EPC1: variants seen among roughly 807,000 people sequenced by gnomAD.
EPC1 encodes the protein enhancer of polycomb 1.
In EPC1, 12 loss-of-function variants were observed where a neutral mutation model predicts 98.4. The observed-to-expected ratio is 0.12, with a 90% CI of 0.08 to 0.20. The LOEUF is 0.20. Ranked by LOEUF, EPC1 falls within the 10% of genes least tolerant of loss-of-function variation. EPC1 has a pLI of 1.00. For synonymous variants in EPC1, 357 were observed against 363.9 expected (o/e 0.98, Z 0.21); for missense variants, 729 against 990.5 (o/e 0.74, Z 3.54).
chr10:32,286,716 T>C lies in EPC1; in HGVS notation c.1369A>G (p.Arg457Gly). ...TACCTTCCACCGCGCCCAACCCGTC[T>C]TCGTGCAAATCCAATACACCTTTGG... ...VPQRCIGFARRRVGRGGRVLL... is the reference protein window; with the variant it reads ...VPQRCIGFARGRVGRGGRVLL... The change falls in exon 9 of 14, where the codon AGA becomes GGA. Residue 457 changes from arginine to glycine, a missense_variant. Coordinates refer to ENST00000319778, the MANE Select transcript of EPC1 (RefSeq NM_001272004.3). 6.2e-7 allele frequency: 1 copy of C among 1,614,192 alleles called. No homozygotes were observed. The highest frequency in any genetic ancestry group is 8.5e-7 in the Non-Finnish European group (1 of 1,180,040).
At chr10:32,346,139 TCGA>T (rs1252659340) in intron 1 of EPC1, among the ~76,000 whole-genome samples, 1 of 152,170 alleles carries the variant, frequency 6.6e-6, no homozygotes, top group Non-Finnish European at 1.5e-5. Flanking sequence ...CGCTGCACCC[TCGA>T]CATTTCCTTG....
chr10:32,344,197 C>T (rs894863682), intron 1 of EPC1, among the ~76,000 whole-genome samples: 3 of 152,222 alleles, frequency 2.0e-5, no homozygotes, highest in African/African-American at 7.2e-5. Context: ...ACCTTTTCAA[C>T]ACTGCATAAC....
chr10:32,367,823 C>A (rs1839642627), intron 1 of EPC1, among the ~76,000 whole-genome samples: 1 of 152,224 alleles, frequency 6.6e-6, no homozygotes, highest in Non-Finnish European at 1.5e-5. Context: ...GCCAGCCTAA[C>A]ACAGTGCAAT....
intron 1 of EPC1, among the ~76,000 whole-genome samples, chr10:32,316,939 T>C (rs184508505): frequency 3.6e-4 from 55 of 152,312 alleles, no homozygotes; most frequent in African/African-American, 1.3e-3. Context: ...GAGAGATGAA[T>C]ACATGGGTGA....
At chr10:32,285,157 G>T in intron 9 of EPC1, 107 bp from the exon 10 acceptor site, 1 of 790,354 alleles carries the variant, frequency 1.3e-6, no homozygotes, top group Non-Finnish European at 2.0e-6. Context: ...AACTCATACT[G>T]AATATTTAAA....
chr10:32,271,897 G>A lies in EPC1; in HGVS notation c.2026C>T (p.Leu676Phe). 1 of 1,613,808 alleles carries A rather than the reference G, an allele frequency of 6.2e-7. No homozygotes were observed. The highest frequency in any genetic ancestry group is 8.5e-7 in the Non-Finnish European group (1 of 1,179,852). Residue 676 changes from leucine (L) to phenylalanine (F), a missense_variant, in exon 13 of 14, where the codon CTC (leucine) becomes TTC (phenylalanine). Coordinates refer to ENST00000319778, the MANE Select transcript of EPC1 (RefSeq NM_001272004.3). ...AGTGCTGTTGGTGTAGTACTACTGA[G>A]GTGTAAGCCCTTGTATACTCCTAGA... The part of the protein sequence containing the change: ...PASGVYKGLH[L>F]SSTTPTALVH...
chr10:32,287,332 T>G (rs1013768258), intron 6 of EPC1, 58 bp from the exon 7 acceptor site: 2 of 1,578,124 alleles, frequency 1.3e-6, no homozygotes, highest in Admixed American at 3.5e-5. Context: ...AAATTTGCAG[T>G]TTTGGGGGAA....
At position 32,303,606 on chromosome 10, in the gene EPC1, A is replaced by G. The variant is rs922622236; in HGVS notation, c.313+2166T>C. ...GTAACACCCGTGAACATAATTATACAGATGGATAACAGATGAGTGATGGTC... is the reference window on the plus strand; with the variant it reads ...GTAACACCCGTGAACATAATTATACGGATGGATAACAGATGAGTGATGGTC... On this transcript the variant is annotated intron_variant, in intron 2 of 13. Transcript: ENST00000319778. Among the ~76,000 whole-genome samples, 6 of 152,250 alleles carry G rather than the reference A, an allele frequency of 3.9e-5. No homozygotes were observed. The South Asian group carries it at 1.0e-3, about 26-fold the overall frequency.
chr10:32,291,440 TCACCTCA>T, intron 5 of EPC1, 118 bp from the exon 6 acceptor site: 1 of 756,706 alleles, frequency 1.3e-6, no homozygotes, highest in East Asian at 2.7e-5. Context: ...AACATATCCA[TCACCTCA>T]CATAATTACC....
At chr10:32,324,128 A>G (rs113185002) in intron 1 of EPC1, among the ~76,000 whole-genome samples, 44,066 of 151,406 alleles carry the variant, frequency 0.29, 6,570 homozygotes, top group South Asian at 0.39. Flanking sequence ...TAGTAAAAAC[A>G]GGGTTTCACC....
At chr10:32,318,331 C>G (rs1200607560) in intron 1 of EPC1, among the ~76,000 whole-genome samples, 1 of 152,080 alleles carries the variant, frequency 6.6e-6, no homozygotes, top group Non-Finnish European at 1.5e-5. Flanking sequence ...TGCCCTACAG[C>G]AGCAGCAATG....
upstream of EPC1, chr10:32,347,284 C>T: frequency 1.1e-6 from 1 of 881,092 alleles, no homozygotes; most frequent in Non-Finnish European, 1.4e-6. Context: ...CGCCAACCCC[C>T]GGCACCCGCC....
chr10:32,275,174 C>G (rs984267027), intron 10 of EPC1, among the ~76,000 whole-genome samples: 1 of 152,142 alleles, frequency 6.6e-6, no homozygotes, highest in African/African-American at 2.4e-5. Context: ...ACTTTGCTGG[C>G]GTGTGTGTTT....
intron 2 of EPC1, among the ~76,000 whole-genome samples, chr10:32,298,801 G>T (rs1835322283): frequency 1.3e-5 from 2 of 152,184 alleles, no homozygotes; most frequent in African/African-American, 4.8e-5. Flanking sequence ...GATTTTATCT[G>T]TCAGAAAGCA....
intron 1 of EPC1, among the ~76,000 whole-genome samples, chr10:32,323,094 C>T (rs753915421): frequency 7.3e-6 from 1 of 137,628 alleles, no homozygotes; most frequent in South Asian, 2.6e-4. Context: ...CAAAATATCA[C>T]ATGTACCCTG....
intron 1 of EPC1, among the ~76,000 whole-genome samples, chr10:32,339,419 CCTGTAGCCCCAGCTA>C: frequency 6.6e-6 from 1 of 152,128 alleles, no homozygotes; most frequent in East Asian, 1.9e-4. Context: ...GTGGCACACA[CCTGTAGCCCCAGCTA>C]CTCAGGAGGC....
rs138532515 is a variant in EPC1 at position 32,336,586 on chromosome 10, T to C, written c.153+10177A>G. ...ACATTTTTCTAAGTTAGCTCTCCTATACCTACCTCATCTCTGAAGGTTCTC... is the reference window on the plus strand; with the variant it reads ...ACATTTTTCTAAGTTAGCTCTCCTACACCTACCTCATCTCTGAAGGTTCTC... On this transcript the variant is annotated intron_variant, in intron 1 of 13. Coordinates refer to ENST00000319778, the MANE Select transcript of EPC1 (RefSeq NM_001272004.3). Among the ~76,000 whole-genome samples, 354 of 152,336 alleles carry C rather than the reference T, an allele frequency of 2.3e-3. 1 individual carries two copies. The highest frequency in any genetic ancestry group is 7.9e-3 in the African/African-American group (330 of 41,570).
At chr10:32,335,648 T>C (rs1194425661) in intron 1 of EPC1, among the ~76,000 whole-genome samples, 2 of 152,284 alleles carry the variant, frequency 1.3e-5, no homozygotes, top group African/African-American at 4.8e-5. Context: ...AAAGCTGTCA[T>C]ATACACTCTT....
chr10:32,311,289 G>A (rs1406220393), intron 1 of EPC1, among the ~76,000 whole-genome samples: 1 of 149,238 alleles, frequency 6.7e-6, no homozygotes, highest in Admixed American at 6.7e-5. Context: ...CTCCAGCCTG[G>A]GCGACAGAGC....
Sources: gnomAD v4.1 joint callset for allele counts (sites outside exome capture counted in the v4.1 genomes callset) on GRCh38, gnomAD v4.1.1 for gene constraint, MANE v1.5 for transcripts, NCBI Gene and HGNC (gene_info 2026-07-23, HGNC 2026-07-21) for gene names.